PLSCR4: variants seen among roughly 807,000 people sequenced by gnomAD.
PLSCR4 encodes the protein Ca(2+)-dependent phospholipid scramblase 4.
Under a neutral mutation model 36.3 loss-of-function variants are expected in PLSCR4, and 25 were observed. The ratio of observed to expected loss-of-function variants is 0.69; its 90% confidence interval spans 0.50 to 0.96. The LOEUF is 0.96. Among genes scored for constraint, PLSCR4 ranks in the 40% least tolerant of loss-of-function variants. PLSCR4 has a pLI of 0.00. For missense variants in PLSCR4, 408 were observed against 414.7 expected (o/e 0.98, Z 0.14); for synonymous variants, 122 against 132.9 (o/e 0.92, Z 0.56).
At position 146,193,476 on chromosome 3, in the gene PLSCR4, ATCTCT is replaced by A. The variant is rs1195109583; in HGVS notation, c.*930_*934del. On this transcript the variant is annotated 3_prime_UTR_variant, in exon 9 of 9. Transcript: ENST00000354952. ...ACAAAAACAAAAACAAAAAACAATG[ATCTCT>A]TCTGGGTATCACATCAAATGAGATA... The A allele has an allele frequency of 6.6e-6, 1 of 152,184 alleles. No homozygotes were observed. Among genetic ancestry groups the A allele is most frequent in the Admixed American group, 6.5e-5 (1 of 15,274 alleles). The allele number at this position is 152,184 out of a possible 1,614,324, so 9.4% of individuals were successfully genotyped here.
chr3:146,238,204 C>CA (rs112050827), intron 1 of PLSCR4, among the ~76,000 whole-genome samples: 10,862 of 141,806 alleles, frequency 0.077, 948 homozygotes, highest in African/African-American at 0.22. Flanking sequence ...AAACTTCCCA[C>CA]AAAAAAAAAA....
Position 146,200,822 on chromosome 3 carries a change from C to A in PLSCR4, c.397+213G>T, listed in dbSNP as rs188092932. 3.6e-4 allele frequency among the ~76,000 whole-genome samples: 54 copies of A among 151,928 alleles called. 1 individual carries two copies. The highest frequency in any genetic ancestry group is 8.7e-4 in the African/African-American group (36 of 41,418). Reference sequence around the variant, plus strand: ...GACCAGATAAAATGTAAGCCCTTTTCAAATCTAAGAGCTTATGATTATATG... The same window carrying A: ...GACCAGATAAAATGTAAGCCCTTTTAAAATCTAAGAGCTTATGATTATATG... On this transcript the variant is annotated intron_variant, in intron 5 of 8. Coordinates refer to ENST00000354952, the MANE Select transcript of PLSCR4 (RefSeq NM_020353.3).
intron 1 of PLSCR4, among the ~76,000 whole-genome samples, chr3:146,228,569 T>C (rs1310288554): frequency 6.6e-6 from 1 of 152,074 alleles, no homozygotes. Flanking sequence ...GGCTAAAAAA[T>C]TTGCTTTCAG....
chr3:146,231,272 T>C (rs1270073310), intron 1 of PLSCR4, among the ~76,000 whole-genome samples: 1 of 152,216 alleles, frequency 6.6e-6, no homozygotes, highest in Non-Finnish European at 1.5e-5. Context: ...ACATCACTGA[T>C]GGGCAACTAG....
intron 1 of PLSCR4, among the ~76,000 whole-genome samples, chr3:146,241,364 G>A (rs1427922932): frequency 6.6e-6 from 1 of 152,108 alleles, no homozygotes; most frequent in African/African-American, 2.4e-5. Context: ...GAAAAAGAAA[G>A]CTGGAGTGGT....
chr3:146,218,178 T>C (rs1013817385), intron 3 of PLSCR4, among the ~76,000 whole-genome samples: 1 of 152,192 alleles, frequency 6.6e-6, no homozygotes, highest in Non-Finnish European at 1.5e-5. Context: ...GGTAAGTATG[T>C]ATTTAAGTTT....
chr3:146,224,114 T>A (rs2035320038), intron 1 of PLSCR4, among the ~76,000 whole-genome samples: 2 of 151,946 alleles, frequency 1.3e-5, no homozygotes, highest in Admixed American at 1.3e-4. Flanking sequence ...ATTTAGACAC[T>A]CCTAGTTATG....
At chr3:146,200,252 G>C (rs1202569264) in intron 5 of PLSCR4, among the ~76,000 whole-genome samples, 2 of 151,956 alleles carry the variant, frequency 1.3e-5, no homozygotes, top group Admixed American at 6.6e-5. Context: ...AAGAAGTTCA[G>C]TGTAAACATT....
chr3:146,210,229 A>T (rs1186763553), intron 3 of PLSCR4, among the ~76,000 whole-genome samples: 1 of 152,120 alleles, frequency 6.6e-6, no homozygotes, highest in Non-Finnish European at 1.5e-5. Flanking sequence ...TTTAATCCAC[A>T]CTTTTTTGAA....
chr3:146,209,781 C>G (rs1289903991), intron 3 of PLSCR4, among the ~76,000 whole-genome samples: 2 of 152,066 alleles, frequency 1.3e-5, no homozygotes, highest in African/African-American at 4.8e-5. Context: ...GTAGCTCTAA[C>G]TGAAATCCTG....
intron 1 of PLSCR4, among the ~76,000 whole-genome samples, chr3:146,243,865 T>C (rs1487828976): frequency 6.6e-6 from 1 of 152,154 alleles, no homozygotes; most frequent in Non-Finnish European, 1.5e-5. Context: ...TCTTCTCACT[T>C]AAAATAATAA....
chr3:146,198,485 C>G (rs1248168670), intron 6 of PLSCR4, among the ~76,000 whole-genome samples: 1 of 152,050 alleles, frequency 6.6e-6, no homozygotes, highest in Non-Finnish European at 1.5e-5. Context: ...ACTGCAGCCT[C>G]GATATCCTGG....
intron 2 of PLSCR4, 76 bp downstream of exon 2, chr3:146,221,989 T>G (rs3804647): frequency 0.34 from 249,019 of 741,048 alleles, 44,420 homozygotes; most frequent in African/African-American, 0.41. Flanking sequence ...CGAAATAAAG[T>G]CCCCCTTTAG....
intron 1 of PLSCR4, among the ~76,000 whole-genome samples, chr3:146,228,411 T>C (rs1366196962): frequency 1.3e-5 from 2 of 152,178 alleles, no homozygotes; most frequent in African/African-American, 4.8e-5. Context: ...TATCCAGTAA[T>C]GTTCTAGCAA....
At chr3:146,209,765 G>C (rs1312056054) in intron 3 of PLSCR4, among the ~76,000 whole-genome samples, 1 of 152,006 alleles carries the variant, frequency 6.6e-6, no homozygotes, top group African/African-American at 2.4e-5. Flanking sequence ...TTATTGCTAA[G>C]GTCTTGTAGC....
chr3:146,242,294 TTTTTC>T (rs1381530443), intron 1 of PLSCR4, among the ~76,000 whole-genome samples: 2 of 152,070 alleles, frequency 1.3e-5, no homozygotes, highest in Non-Finnish European at 2.9e-5. Context: ...TTGCCTAAAG[TTTTTC>T]TTTTAAGAGT....
At chr3:146,212,570 C>A (rs2108264164) in intron 3 of PLSCR4, among the ~76,000 whole-genome samples, 1 of 151,720 alleles carries the variant, frequency 6.6e-6, no homozygotes, top group South Asian at 2.1e-4. Context: ...TCTACCCTAG[C>A]CTCCAGGTAA....
At chr3:146,210,859 A>G (rs1310048626) in intron 3 of PLSCR4, among the ~76,000 whole-genome samples, 1 of 149,242 alleles carries the variant, frequency 6.7e-6, no homozygotes, top group Non-Finnish European at 1.5e-5. Context: ...TTTTTTTTTT[A>G]CACTTGGCAT....
At chr3:146,245,530 ATTG>A (rs2036303825) in intron 1 of PLSCR4, among the ~76,000 whole-genome samples, 1 of 152,106 alleles carries the variant, frequency 6.6e-6, no homozygotes, top group Non-Finnish European at 1.5e-5. Context: ...ATCAAGCACA[ATTG>A]TTAAGTAAAC....
Sources: allele counts gnomAD v4.1 joint callset (sites outside exome capture counted in the v4.1 genomes callset), GRCh38; gene constraint gnomAD v4.1.1; transcripts MANE v1.5; gene names NCBI Gene and HGNC (gene_info 2026-07-23, HGNC 2026-07-21).